CSF2RB: variants seen among roughly 807,000 people sequenced by gnomAD.
The protein encoded by CSF2RB is cytokine receptor common subunit beta.
CSF2RB carries 22 observed loss-of-function variants against 67.2 expected under a neutral mutation model. That is an observed-to-expected ratio of 0.33 (90% CI 0.23 to 0.47). The LOEUF is 0.47. Ranked by LOEUF, CSF2RB falls within the 20% of genes least tolerant of loss-of-function variation. The pLI is 1.00. For synonymous variants in CSF2RB, 507 were observed against 482.9 expected, an observed-to-expected ratio of 1.05 and a Z score of -0.65; for missense variants, 1,113 against 1,174.5, an observed-to-expected ratio of 0.95 and a Z score of 0.76.
At chr22:36,923,446 A>T in intron 3 of CSF2RB, 79 bp downstream of exon 3, 1 of 1,565,966 alleles carries the variant, frequency 6.4e-7, no homozygotes, top group Non-Finnish European at 8.7e-7. Context: ...CAGTGTAGAG[A>T]GGGACCTGTC....
intron 5 of CSF2RB, 37 bp from the exon 6 acceptor site, chr22:36,929,602 C>T (rs775059195): frequency 3.1e-6 from 5 of 1,614,086 alleles, no homozygotes; most frequent in East Asian, 2.2e-5. Context: ...AAGGGATGGG[C>T]AGCACCCCTC....
In CSF2RB at chr22:36,923,718, A is replaced by G; in HGVS notation, c.200+351A>G. The G allele has an allele frequency of 3.8e-6, 5 of 1,313,050 alleles. No individual in the cohort carries two copies. In the South Asian group the frequency reaches 6.2e-5, roughly 16 times the overall value. The allele number at this position is 1,313,050 out of a possible 1,614,324, so 81.3% of individuals were successfully genotyped here. A position where few individuals can be genotyped will look rare whatever the true frequency, so the allele number is the denominator to read the frequency against. On this transcript the variant is annotated intron_variant, in intron 3 of 13. Transcript: ENST00000403662. ...ACTGTGAGGTGGGCAGGGCCAGGCC[A>G]CGAAGCCCCAGCTGTGCCACTGCCT...
rs765298790 is a variant in CSF2RB at position 36,930,469 on chromosome 22, G to A, written c.813G>A (p.Ser271=). 1.4e-5 allele frequency: 23 copies of A among 1,613,650 alleles called. No homozygotes were observed. The highest frequency in any genetic ancestry group is 1.8e-4 in the Middle Eastern group (1 of 5,672). ...AGGTGAGGAAGGAGGTGGCCAGCTCGGTCTCCTTTGGCCTATTCTACAAGC... is the reference window on the plus strand; with the variant it reads ...AGGTGAGGAAGGAGGTGGCCAGCTCAGTCTCCTTTGGCCTATTCTACAAGC... The part of the protein sequence containing the change: ...SWEVRKEVAS[S]VSFGLFYKPS... Residue 271 remains serine (S), a synonymous_variant, in exon 7 of 14, where the codon TCG becomes TCA. Coordinates refer to ENST00000403662, the MANE Select transcript of CSF2RB (RefSeq NM_000395.3).
intron 11 of CSF2RB, 26 bp from the exon 12 acceptor site, chr22:36,935,604 G>T: frequency 1.2e-6 from 2 of 1,614,148 alleles, no homozygotes; most frequent in South Asian, 2.2e-5. Flanking sequence ...GTCTCTGATG[G>T]CTGTCACCTC....
Position 36,937,371 on chromosome 22 carries a change from C to T in CSF2RB, c.1569-6C>T. ...CCCAACTCTTCTGCCCATTTTCTTC[C>T]CACAGGGTGTTCCCTGTAGGATTCG... On this transcript the variant is annotated splice_region_variant and splice_polypyrimidine_tract_variant and intron_variant, in intron 13 of 13. Coordinates refer to ENST00000403662, the MANE Select transcript of CSF2RB (RefSeq NM_000395.3). The surrounding 1 kb of genome is among the most constrained non-coding windows in gnomAD (Gnocchi z 4.6). 6.2e-7 allele frequency: 1 copy of T among 1,613,200 alleles called. No homozygotes were observed. The highest frequency in any genetic ancestry group is 1.1e-5 in the South Asian group (1 of 91,062).
Position 36,937,888 on chromosome 22 carries a change from G to GCTA in CSF2RB, c.2081_2083dup (p.Ala694_Ile695insThr), listed in dbSNP as rs1941305091. ...ACAGGACCAAAAGGACAGCCCTGTG[G>GCTA]CTATACCCATGAGCTCTGGGGACAC... is the stretch of plus-strand genomic sequence containing the variant. On this transcript the variant is annotated inframe_insertion, in exon 14 of 14. Transcript: ENST00000403662. The surrounding 1 kb of genome is among the most constrained non-coding windows in gnomAD (Gnocchi z 4.6). 6.2e-7 allele frequency: 1 copy of GCTA among 1,614,040 alleles called. No homozygotes were observed. The highest frequency in any genetic ancestry group is 1.3e-5 in the African/African-American group (1 of 74,916).
chr22:36,929,958 C>A, intron 6 of CSF2RB, 151 bp downstream of exon 6: 2 of 1,047,624 alleles, frequency 1.9e-6, no homozygotes, highest in Non-Finnish European at 1.4e-6. Flanking sequence ...CGTCCCACCT[C>A]TACTGTGACC....
At chr22:36,936,121 A>C (rs997000810) in intron 12 of CSF2RB, among the ~76,000 whole-genome samples, 6 of 152,106 alleles carry the variant, frequency 3.9e-5, no homozygotes, top group Non-Finnish European at 8.8e-5. Flanking sequence ...CCCTTCAGGA[A>C]GGGAGCTGAA....
rs1453847732 is a variant in CSF2RB at position 36,939,265 on chromosome 22, C to T, written c.*763C>T. The T allele has an allele frequency of 1.4e-6, 1 of 702,162 alleles. No homozygotes were observed. Among genetic ancestry groups the T allele is most frequent in the South Asian group, 1.5e-5 (1 of 67,474 alleles). The allele number at this position is 702,162 out of a possible 1,614,324, so 43.5% of individuals were successfully genotyped here. Reference sequence around the variant, plus strand: ...ACGTCATGTAGAGAAGTTAACGGCCCAAGTGGTGGGCAGGCTGGCGGGACC... The same window carrying T: ...ACGTCATGTAGAGAAGTTAACGGCCTAAGTGGTGGGCAGGCTGGCGGGACC... On this transcript the variant is annotated 3_prime_UTR_variant, in exon 14 of 14. Coordinates refer to ENST00000403662, the MANE Select transcript of CSF2RB (RefSeq NM_000395.3).
At position 36,936,607 on chromosome 22, in the gene CSF2RB, C is replaced by G; in HGVS notation, c.1523C>G (p.Pro508Arg). The part of the protein sequence containing the change: ...GSMSAFTSGS[P>R]PHQGPWGSRF... ...ATGTCGGCCTTCACTAGCGGGAGTC[C>G]CCCACACCAGGGGCCGTGGGGCAGC... The change falls in exon 13 of 14, where the codon CCC becomes CGC. Residue 508 changes from proline (P) to arginine (R), a missense_variant. Coordinates refer to ENST00000403662, the MANE Select transcript of CSF2RB (RefSeq NM_000395.3). The G allele has an allele frequency of 1.2e-6, 2 of 1,613,604 alleles. No individual in the cohort carries two copies. The highest frequency in any genetic ancestry group is 1.7e-6 in the Non-Finnish European group (2 of 1,179,982).
chr22:36,928,671 G>A (rs373612634), intron 4 of CSF2RB, among the ~76,000 whole-genome samples: 77 of 152,304 alleles, frequency 5.1e-4, no homozygotes, highest in African/African-American at 1.8e-3. Context: ...GTGGCTGCAA[G>A]GATTTCATGA....
At chr22:36,934,617 G>GAGA (rs1336087683) in intron 10 of CSF2RB, among the ~76,000 whole-genome samples, 2 of 152,204 alleles carry the variant, frequency 1.3e-5, no homozygotes, top group East Asian at 3.9e-4. Context: ...GTTTTGCTGT[G>GAGA]ATTCCTTCAT....
At chr22:36,923,664 C>A in intron 3 of CSF2RB, 1 of 1,367,438 alleles carries the variant, frequency 7.3e-7, no homozygotes, top group Non-Finnish European at 9.7e-7. Flanking sequence ...AACACAATTG[C>A]CCCACATGAC....
chr22:36,926,982 C>A lies in CSF2RB; in HGVS notation c.391+805C>A, dbSNP rs187818586. Among the ~76,000 whole-genome samples, 219 of 152,192 alleles carry A rather than the reference C, an allele frequency of 1.4e-3. 1 individual carries two copies. The Middle Eastern group carries it at 0.017, about 12-fold the overall frequency. On this transcript the variant is annotated intron_variant, in intron 4 of 13. Coordinates refer to ENST00000403662, the MANE Select transcript of CSF2RB (RefSeq NM_000395.3). ...GGCAGGCTTGGTGCTGTTATTGGTG[C>A]CTTTGGCTGCTGCTGAAACGGAGAC...
intron 11 of CSF2RB, 83 bp from the exon 12 acceptor site, chr22:36,935,547 C>A (rs371695330): frequency 1.4e-4 from 228 of 1,607,900 alleles, no homozygotes; most frequent in Admixed American, 1.2e-3. Context: ...CCTTCCTGGG[C>A]CTCAGTTTCC....
At chr22:36,934,074 A>G in intron 10 of CSF2RB, 80 bp downstream of exon 10, 1 of 1,557,352 alleles carries the variant, frequency 6.4e-7, no homozygotes, top group East Asian at 2.3e-5. Flanking sequence ...CCAATGCAGC[A>G]GCCGTAGCAG....
chr22:36,937,510 A>C lies in CSF2RB; in HGVS notation c.1702A>C (p.Ser568Arg), dbSNP rs1219229576. ...AGATCTACCCACAGAGCAGCCCCCC[A>C]GCCCCCAGCCAGGCCCGCCTGCCGC... Reference protein sequence around the residue: ...ASDLPTEQPPSPQPGPPAASH... With the variant: ...ASDLPTEQPPRPQPGPPAASH... The change falls in exon 14 of 14, where the codon AGC (serine) becomes CGC (arginine). Residue 568 changes from serine (S) to arginine (R), a missense_variant. This residue lies in a region of CSF2RB where 554 missense variants were observed against 517.9 expected (regional missense o/e 1.07). Transcript: ENST00000403662. The surrounding 1 kb of genome is among the most constrained non-coding windows in gnomAD (Gnocchi z 4.6). 2 of 1,613,818 alleles carry C rather than the reference A, an allele frequency of 1.2e-6. No homozygotes were observed. The highest frequency in any genetic ancestry group is 1.7e-6 in the Non-Finnish European group (2 of 1,179,884).
At chr22:36,933,703 G>C in intron 9 of CSF2RB, 129 bp from the exon 10 acceptor site, 2 of 1,289,534 alleles carry the variant, frequency 1.6e-6, no homozygotes, top group Admixed American at 4.0e-5. Flanking sequence ...GGTGGTGAGA[G>C]AGAAGCCGCA....
At chr22:36,924,458 C>A (rs115054066) in intron 3 of CSF2RB, among the ~76,000 whole-genome samples, 6 of 152,262 alleles carry the variant, frequency 3.9e-5, no homozygotes, top group South Asian at 2.1e-4. Flanking sequence ...CTGCCCCAAC[C>A]CCCTCTCAGA....
Sources: allele counts gnomAD v4.1 joint callset (sites outside exome capture counted in the v4.1 genomes callset), GRCh38; gene constraint gnomAD v4.1.1; regional missense constraint gnomAD v4.1.1; non-coding constraint Gnocchi (gnomAD v3.1); transcripts MANE v1.5; gene names NCBI Gene and HGNC (gene_info 2026-07-23, HGNC 2026-07-21).